The following TPCN1 variants were observed in gnomAD, a reference collection of about 807,000 sequenced individuals.
The protein encoded by TPCN1 is two pore segment channel 1.
TPCN1 carries 52 observed loss-of-function variants against 108.8 expected under a neutral mutation model. That is an observed-to-expected ratio of 0.48 (90% CI 0.38 to 0.60). The LOEUF (loss-of-function observed/expected upper bound fraction) is 0.60, where lower values mean the gene tolerates loss of function less well. TPCN1 is among the 20% of genes least tolerant of loss of function. The pLI is 0.00. For synonymous variants in TPCN1, 446 were observed against 433.7 expected (o/e 1.03, Z -0.35); for missense variants, 806 against 1,072.8 (o/e 0.75, Z 3.47).
At chr12:113,285,173 C>T (rs1014167961) in intron 17 of TPCN1, among the ~76,000 whole-genome samples, 4 of 152,240 alleles carry the variant, frequency 2.6e-5, no homozygotes, top group African/African-American at 9.6e-5. Flanking sequence ...CAAGTCTGAG[C>T]ACACTGTGTT....
chr12:113,293,695 C>T (rs961026620), intron 27 of TPCN1, among the ~76,000 whole-genome samples: 4 of 152,092 alleles, frequency 2.6e-5, no homozygotes, highest in Non-Finnish European at 5.9e-5. Context: ...GAGCGGCGAC[C>T]GTGGTGAACT....
At chr12:113,283,985 T>C (rs1179554170) in intron 15 of TPCN1, among the ~76,000 whole-genome samples, 4 of 152,218 alleles carry the variant, frequency 2.6e-5, no homozygotes, top group African/African-American at 7.2e-5. Context: ...GTGTTTCTTT[T>C]TTATGGTTAA....
Position 113,225,721 on chromosome 12 carries a change from A to C in TPCN1, c.-125-1007A>C, listed in dbSNP as rs892276655. On this transcript the variant is annotated intron_variant, in intron 1 of 27. Coordinates refer to ENST00000335509, the MANE Select transcript of TPCN1 (RefSeq NM_017901.6). The stretch of plus-strand genomic sequence containing the variant: ...CGGCACGTGCCACCCCGCCCAGCTA[A>C]TTTTTTGAATTTTTGGTAGAGATGG... Among the ~76,000 whole-genome samples, 7 of 151,900 alleles carry C rather than the reference A, an allele frequency of 4.6e-5. No homozygotes were observed. The South Asian group carries it at 8.4e-4, about 18-fold the overall frequency.
chr12:113,293,446 G>A (rs1306381759), intron 27 of TPCN1, 97 bp downstream of exon 27: 1 of 1,182,810 alleles, frequency 8.5e-7, no homozygotes, highest in Admixed American at 1.7e-5. Context: ...GAGGGAGAAG[G>A]CTGGTAGAGA....
At chr12:113,229,913 C>T (rs1953620624) in intron 2 of TPCN1, among the ~76,000 whole-genome samples, 1 of 152,236 alleles carries the variant, frequency 6.6e-6, no homozygotes, top group Non-Finnish European at 1.5e-5. Flanking sequence ...GCAACGAAGC[C>T]TTGCGTGTTC....
chr12:113,262,407 C>T (rs76120381), intron 3 of TPCN1, among the ~76,000 whole-genome samples: 4 of 115,514 alleles, frequency 3.5e-5, no homozygotes, highest in Non-Finnish European at 6.9e-5. Flanking sequence ...GAGACCCTGT[C>T]TAAAAAAAAA....
Position 113,296,175 on chromosome 12 carries a change from T to G in TPCN1, c.*99T>G, listed in dbSNP as rs977808000. On this transcript the variant is annotated 3_prime_UTR_variant, in exon 28 of 28. Transcript: ENST00000335509. ...GTGTGTGTACACATACTCACGTATA[T>G]GCACATATTTATATACAGGAAGAAA... 1 of 1,496,420 alleles carries G rather than the reference T, an allele frequency of 6.7e-7. No individual in the cohort carries two copies. Among genetic ancestry groups the G allele is most frequent in the East Asian group, 2.3e-5 (1 of 43,586 alleles). The allele number at this position is 1,496,420 out of a possible 1,614,324, so 92.7% of individuals were successfully genotyped here. A position where few individuals can be genotyped will look rare whatever the true frequency, so the allele number is the denominator to read the frequency against.
chr12:113,278,213 C>T lies in TPCN1; in HGVS notation c.1209C>T (p.Tyr403=), dbSNP rs759927489. The change falls in exon 13 of 28, where the codon TAC becomes TAT. Residue 403 remains tyrosine, a synonymous_variant. Coordinates refer to ENST00000335509, the MANE Select transcript of TPCN1 (RefSeq NM_017901.6). The part of the protein sequence containing the change: ...LLSLKDFYDI[Y]EVAALKWKAK... ...GCCTAAAGGACTTTTACGATATCTA[C>T]GAAGTTGCTGCTTTGAAGTGGAAGG... The T allele has an allele frequency of 6.0e-5, 97 of 1,613,696 alleles. 1 individual carries two copies. The highest frequency in any genetic ancestry group is 3.8e-4 in the East Asian group (17 of 44,864).
At position 113,269,844 on chromosome 12, in the gene TPCN1, C is replaced by G. The variant is rs142428264; in HGVS notation, c.747C>G (p.Leu249=). 3.1e-6 allele frequency: 5 copies of G among 1,613,638 alleles called. No individual in the cohort carries two copies. The highest frequency in any genetic ancestry group is 2.5e-6 in the Non-Finnish European group (3 of 1,179,976). Residue 249 remains leucine, a splice_region_variant and synonymous_variant, in exon 7 of 28, where the codon CTC becomes CTG. Transcript: ENST00000335509. This position sits in a 1 kb window ranked among gnomAD's most constrained non-coding sequence, Gnocchi z 5.0. ...TCTTCATGATCATCTTTGCCATCCTCGGTGAGTTCCCGCCTCTCAGGCCCA... is the reference window on the plus strand; with the variant it reads ...TCTTCATGATCATCTTTGCCATCCTGGGTGAGTTCCCGCCTCTCAGGCCCA... The part of the protein sequence containing the change: ...LLFFMIIFAI[L]GFYLFSPNPS...
chr12:113,276,867 T>C, intron 10 of TPCN1, 52 bp from the exon 11 acceptor site: 1 of 1,305,894 alleles, frequency 7.7e-7, no homozygotes, highest in Non-Finnish European at 1.1e-6. Context: ...CTGCACTCCC[T>C]GCCCTAACCA....
chr12:113,262,615 C>T (rs1273407434), intron 3 of TPCN1, among the ~76,000 whole-genome samples: 2 of 152,180 alleles, frequency 1.3e-5, no homozygotes, highest in African/African-American at 4.8e-5. Flanking sequence ...TTATGCACAT[C>T]ACCTTCTCTG....
chr12:113,280,724 G>A (rs1353245727), intron 15 of TPCN1, among the ~76,000 whole-genome samples: 2 of 152,228 alleles, frequency 1.3e-5, no homozygotes, highest in Non-Finnish European at 2.9e-5. Flanking sequence ...CAATTGGATT[G>A]TGCAGATAAG....
chr12:113,226,757 C>T lies in TPCN1; in HGVS notation c.-96C>T. ...TGCCTCTAATGGAGGAGTTTCTGAG[C>T]AGCACCCCTGGCCCAGTGGCTTTGA... On this transcript the variant is annotated 5_prime_UTR_variant, in exon 2 of 28. Coordinates refer to ENST00000335509, the MANE Select transcript of TPCN1 (RefSeq NM_017901.6). 6.3e-7 allele frequency: 1 copy of T among 1,584,836 alleles called. No homozygotes were observed. The highest frequency in any genetic ancestry group is 8.6e-7 in the Non-Finnish European group (1 of 1,164,870).
chr12:113,227,016 TGA>T, intron 2 of TPCN1, 52 bp downstream of exon 2: 1 of 1,499,226 alleles, frequency 6.7e-7, no homozygotes, highest in Non-Finnish European at 9.1e-7. Flanking sequence ...TTTCAGAGGC[TGA>T]GAGGTGATAA....
chr12:113,258,978 GA>G (rs1954918511), intron 2 of TPCN1, among the ~76,000 whole-genome samples: 5 of 147,744 alleles, frequency 3.4e-5, no homozygotes, highest in South Asian at 2.1e-4. Context: ...CAAAACATTA[GA>G]TTTTTTTTTT....
intron 2 of TPCN1, among the ~76,000 whole-genome samples, chr12:113,236,035 G>C (rs1404677400): frequency 1.3e-5 from 2 of 152,184 alleles, no homozygotes; most frequent in African/African-American, 4.8e-5. Context: ...TGCACTCCTA[G>C]AGCCATACTG....
chr12:113,235,181 A>G (rs937161869), intron 2 of TPCN1, among the ~76,000 whole-genome samples: 10 of 152,210 alleles, frequency 6.6e-5, no homozygotes, highest in Non-Finnish European at 1.2e-4. Context: ...TTTGGGATCA[A>G]AGCTGGGGCT....
chr12:113,241,738 A>G (rs1174090187), intron 2 of TPCN1, among the ~76,000 whole-genome samples: 1 of 150,556 alleles, frequency 6.6e-6, no homozygotes, highest in Non-Finnish European at 1.5e-5. Context: ...CACTGGGTAA[A>G]CAGTGGCGTT....
intron 2 of TPCN1, among the ~76,000 whole-genome samples, chr12:113,240,678 T>G (rs571086909): frequency 6.6e-6 from 1 of 152,228 alleles, no homozygotes; most frequent in African/African-American, 2.4e-5. Flanking sequence ...GTAGTTAACT[T>G]CCTTGACTAC....
Sources: allele counts gnomAD v4.1 joint callset (sites outside exome capture counted in the v4.1 genomes callset), GRCh38; gene constraint gnomAD v4.1.1; non-coding constraint Gnocchi (gnomAD v3.1); transcripts MANE v1.5; gene names NCBI Gene and HGNC (gene_info 2026-07-23, HGNC 2026-07-21).